Variants in RNF6 observed in about 807,000 individuals in gnomAD.
The protein encoded by RNF6 is E3 ubiquitin-protein ligase RNF6.
In RNF6, 21 loss-of-function variants were observed where a neutral mutation model predicts 50.1. That is an observed-to-expected ratio of 0.42 (90% confidence interval 0.30 to 0.60). RNF6 has a LOEUF of 0.60. Among genes scored for constraint, RNF6 ranks in the 20% least tolerant of loss-of-function variants. The pLI, the probability that RNF6 is intolerant of heterozygous loss-of-function variation, is 0.20. For synonymous variants in RNF6, 255 were observed against 291.8 expected (o/e 0.87, Z 1.29); for missense variants, 698 against 838.2 (o/e 0.83, Z 2.07).
chr13:26,164,140 C>A (rs891803254), intron 5 of RNF6, among the ~76,000 whole-genome samples: 1 of 152,148 alleles, frequency 6.6e-6, no homozygotes, highest in Non-Finnish European at 1.5e-5. Context: ...GTTCTATCAG[C>A]TAATTAAGTA....
Position 26,151,996 on chromosome 13 carries a change from T to G in RNF6, n.769-19545A>C, listed in dbSNP as rs369491062. Among the ~76,000 whole-genome samples the G allele has an allele frequency of 5.5e-4, 83 of 152,284 alleles. 1 individual carries two copies. The East Asian group carries it at 0.015, about 27-fold the overall frequency. ...GCTGCTCACGACTGCCACTGCCTTC[T>G]CACTGTCTCCAGGATGAAGTCCAAC... On this transcript the variant is annotated intron_variant and non_coding_transcript_variant, in intron 5 of 5. Transcript: ENST00000468480.
At chr13:26,179,426 T>C (rs895232352) in intron 5 of RNF6, among the ~76,000 whole-genome samples, 8 of 152,182 alleles carry the variant, frequency 5.3e-5, no homozygotes, top group African/African-American at 1.9e-4. Flanking sequence ...ACACTGTAGC[T>C]GAGAGACCCC....
chr13:26,133,681 GTACT>G (rs1208204111), intron 5 of RNF6, among the ~76,000 whole-genome samples: 2 of 152,028 alleles, frequency 1.3e-5, no homozygotes, highest in Non-Finnish European at 2.9e-5. Context: ...GATGTTTCTT[GTACT>G]TTCTATTTCT....
At chr13:26,140,218 A>T (rs539048132) in intron 5 of RNF6, among the ~76,000 whole-genome samples, 1 of 152,254 alleles carries the variant, frequency 6.6e-6, no homozygotes, top group African/African-American at 2.4e-5. Context: ...TTTTCCTTTA[A>T]TCAGGTGTTA....
At chr13:26,155,184 G>C (rs1871847932) in intron 5 of RNF6, among the ~76,000 whole-genome samples, 1 of 152,100 alleles carries the variant, frequency 6.6e-6, no homozygotes, top group Non-Finnish European at 1.5e-5. Flanking sequence ...CAGGAGGCTT[G>C]TTTGACCCCA....
intron 5 of RNF6, among the ~76,000 whole-genome samples, chr13:26,181,667 G>A (rs910712944): frequency 6.6e-6 from 1 of 152,166 alleles, no homozygotes; most frequent in Admixed American, 6.5e-5. Context: ...ACAGAAGGAG[G>A]GGAGGTCAAG....
In RNF6 at chr13:26,215,302, C is replaced by T. The variant is rs918780086; in HGVS notation, c.580G>A (p.Ala194Thr). 6.2e-7 allele frequency: 1 copy of T among 1,614,092 alleles called. No individual in the cohort carries two copies. The highest frequency in any genetic ancestry group is 8.5e-7 in the Non-Finnish European group (1 of 1,180,054). Residue 194 changes from alanine to threonine, a missense_variant, in exon 5 of 5, where the codon GCT becomes ACT. Transcript: ENST00000381588. ...NRQQRSTSPV[A>T]RRTRSQTSVN... is the part of the protein sequence containing the mutation. ...GAGGTTTGGCTTCTTGTTCGCCTAG[C>T]CACAGGACTAGTTGACCTTTGTTGC... is the stretch of plus-strand genomic sequence containing the variant.
At chr13:26,153,777 G>A (rs1871759603) in intron 5 of RNF6, among the ~76,000 whole-genome samples, 2 of 151,100 alleles carry the variant, frequency 1.3e-5, no homozygotes, top group Non-Finnish European at 2.9e-5. Context: ...TATTTTGGAG[G>A]TGCCATAAAA....
intron 4 of RNF6, among the ~76,000 whole-genome samples, chr13:26,216,488 A>G (rs1240306799): frequency 6.6e-6 from 1 of 152,154 alleles, no homozygotes; most frequent in Non-Finnish European, 1.5e-5. Flanking sequence ...TGCTCAATTA[A>G]TCAATTTAGA....
intron 5 of RNF6, among the ~76,000 whole-genome samples, chr13:26,180,329 C>T (rs893523604): frequency 6.6e-6 from 1 of 152,148 alleles, no homozygotes; most frequent in African/African-American, 2.4e-5. Flanking sequence ...TCTCAAGCAA[C>T]CCTGCAACAT....
At chr13:26,154,558 G>A (rs1386829431) in intron 5 of RNF6, among the ~76,000 whole-genome samples, 1 of 152,088 alleles carries the variant, frequency 6.6e-6, no homozygotes, top group Non-Finnish European at 1.5e-5. Flanking sequence ...TTGAGTAGCT[G>A]CCACATACTG....
chr13:26,159,191 A>T (rs1872083997), intron 5 of RNF6, among the ~76,000 whole-genome samples: 1 of 152,220 alleles, frequency 6.6e-6, no homozygotes, highest in African/African-American at 2.4e-5. Context: ...CATAAAATTC[A>T]GGGACATTAT....
chr13:26,215,606 C>T lies in RNF6; in HGVS notation c.290-14G>A, dbSNP rs1205997746. 6.3e-7 allele frequency: 1 copy of T among 1,578,280 alleles called. No homozygotes were observed. On this transcript the variant is annotated splice_polypyrimidine_tract_variant and intron_variant, in intron 4 of 4. Coordinates refer to ENST00000381588, the MANE Select transcript of RNF6 (RefSeq NM_005977.4). Reference sequence around the variant, plus strand: ...GGACTTCTGAGTCTAGAAAGCAAAGCAAATCAACTTAAGATCAATTCCTAA... The same window carrying T: ...GGACTTCTGAGTCTAGAAAGCAAAGTAAATCAACTTAAGATCAATTCCTAA...
intron 5 of RNF6, among the ~76,000 whole-genome samples, chr13:26,133,538 T>G (rs566161394): frequency 1.3e-5 from 2 of 152,200 alleles, no homozygotes; most frequent in African/African-American, 4.8e-5. Context: ...ATTGTTCAAA[T>G]TGGGTAATTT....
intron 4 of RNF6, 66 bp from the exon 5 acceptor site, chr13:26,215,658 C>T: frequency 7.3e-7 from 1 of 1,367,426 alleles, no homozygotes; most frequent in South Asian, 1.5e-5. Context: ...TTATTGAAAA[C>T]TTGTAAGAAA....
At chr13:26,194,295 G>C (rs1868574898) in intron 5 of RNF6, among the ~76,000 whole-genome samples, 1 of 152,162 alleles carries the variant, frequency 6.6e-6, no homozygotes, top group South Asian at 2.1e-4. Flanking sequence ...TTAAGCAAGA[G>C]ACTGGTAAGA....
intron 5 of RNF6, among the ~76,000 whole-genome samples, chr13:26,179,268 C>T (rs912727380): frequency 7.9e-5 from 12 of 152,134 alleles, no homozygotes; most frequent in African/African-American, 2.4e-4. Context: ...GACAGACACT[C>T]GCATAACAAG....
At chr13:26,206,016 A>G (rs1869091021) in intron 5 of RNF6, among the ~76,000 whole-genome samples, 1 of 152,154 alleles carries the variant, frequency 6.6e-6, no homozygotes, top group African/African-American at 2.4e-5. Flanking sequence ...GTCTCAAAAA[A>G]TTTTAAAAAA....
chr13:26,209,592 A>C (rs9581590), downstream of RNF6, among the ~76,000 whole-genome samples: 4,313 of 152,302 alleles, frequency 0.028, 197 homozygotes, highest in African/African-American at 0.099. Flanking sequence ...GACACTACCT[A>C]GAAAACCTGA....
Sources: allele counts gnomAD v4.1 joint callset (sites outside exome capture counted in the v4.1 genomes callset), GRCh38; gene constraint gnomAD v4.1.1; transcripts MANE v1.5; gene names NCBI Gene and HGNC (gene_info 2026-07-23, HGNC 2026-07-21).